TNFRSF8: variants seen among roughly 807,000 people sequenced by gnomAD.
The protein encoded by TNFRSF8 is TNF receptor superfamily member 8.
A neutral mutation model predicts 70.8 loss-of-function variants in TNFRSF8; 26 were observed. The observed-to-expected ratio is 0.37, with a 90% confidence interval of 0.27 to 0.51. The LOEUF is 0.51. Ranked by LOEUF, TNFRSF8 falls within the 20% of genes least tolerant of loss-of-function variation. The pLI, the probability that TNFRSF8 is intolerant of heterozygous loss-of-function variation, is 0.94. For synonymous variants in TNFRSF8, 356 were observed against 339.2 expected (o/e 1.05, Z -0.54); for missense variants, 720 against 807.9 (o/e 0.89, Z 1.32).
Position 12,128,379 on chromosome 1 carries a change from C to T in TNFRSF8, c.1309+2143C>T, listed in dbSNP as rs368332069. Among the ~76,000 whole-genome samples, 31 of 152,316 alleles carry T rather than the reference C, an allele frequency of 2.0e-4. 1 individual carries two copies. The South Asian group carries it at 5.4e-3, about 26-fold the overall frequency. On this transcript the variant is annotated intron_variant, in intron 12 of 14. Transcript: ENST00000263932. ...GTGAGCACATCAGGGATCTGTGGTCCGTGCAGGTGCGATGAGAGGCCCACC... is the reference window on the plus strand; with the variant it reads ...GTGAGCACATCAGGGATCTGTGGTCTGTGCAGGTGCGATGAGAGGCCCACC...
intron 12 of TNFRSF8, among the ~76,000 whole-genome samples, chr1:12,132,689 T>G (rs1330712943): frequency 6.6e-6 from 1 of 151,788 alleles, no homozygotes; most frequent in Non-Finnish European, 1.5e-5. Flanking sequence ...AATACAAAAA[T>G]TAGCCGGGTG....
At chr1:12,099,307 G>A (rs1641380432) in intron 3 of TNFRSF8, among the ~76,000 whole-genome samples, 1 of 151,942 alleles carries the variant, frequency 6.6e-6, no homozygotes, top group Non-Finnish European at 1.5e-5. Flanking sequence ...ACCACGCCTG[G>A]CTAATTTTTG....
At chr1:12,135,179 G>C (rs539693481) in intron 12 of TNFRSF8, among the ~76,000 whole-genome samples, 1 of 152,062 alleles carries the variant, frequency 6.6e-6, no homozygotes, top group East Asian at 1.9e-4. Flanking sequence ...AGCTGGGGTT[G>C]GTGGCACGAG....
Position 12,142,269 on chromosome 1 carries a change from C to T in TNFRSF8, c.1544-18C>T, listed in dbSNP as rs1642266273. 2.6e-6 allele frequency: 4 copies of T among 1,568,228 alleles called. No homozygotes were observed. The Admixed American group carries it at 5.5e-5, about 21-fold the overall frequency. On this transcript the variant is annotated intron_variant, in intron 14 of 14. Coordinates refer to ENST00000263932, the MANE Select transcript of TNFRSF8 (RefSeq NM_001243.5). The surrounding 1 kb of genome is among the most constrained non-coding windows in gnomAD (Gnocchi z 5.0). ...GGTGCTCTGGCCTCCCTCGCTCACCCATCCTTTTGCCTTGCAGAGAAAATC... is the reference window on the plus strand; with the variant it reads ...GGTGCTCTGGCCTCCCTCGCTCACCTATCCTTTTGCCTTGCAGAGAAAATC...
rs1459435215 is a variant in TNFRSF8, at chr1:12,113,738, A to G, written c.793+1724A>G. Among the ~76,000 whole-genome samples the G allele has an allele frequency of 6.6e-6, 1 of 151,996 alleles. No individual in the cohort carries two copies. Among genetic ancestry groups the G allele is most frequent in the Non-Finnish European group, 1.5e-5 (1 of 67,970 alleles). Reference sequence around the variant, plus strand: ...GACAGAGATAGAGTGTGACAGAGAGAAAGACAGAGAAAGAGAGAGAGAGAG... The same window carrying G: ...GACAGAGATAGAGTGTGACAGAGAGGAAGACAGAGAAAGAGAGAGAGAGAG... On this transcript the variant is annotated intron_variant, in intron 7 of 14. Coordinates refer to ENST00000263932, the MANE Select transcript of TNFRSF8 (RefSeq NM_001243.5). This position sits in a 1 kb window ranked among gnomAD's most constrained non-coding sequence, Gnocchi z 4.9.
At chr1:12,074,188 A>G (rs1640896605) in intron 1 of TNFRSF8, among the ~76,000 whole-genome samples, 1 of 151,766 alleles carries the variant, frequency 6.6e-6, no homozygotes. Context: ...GCTCTCCTCC[A>G]TCCTGTCCAC....
At chr1:12,105,928 A>G (rs1641514598) in intron 4 of TNFRSF8, among the ~76,000 whole-genome samples, 2 of 147,728 alleles carry the variant, frequency 1.4e-5, no homozygotes, top group Non-Finnish European at 3.0e-5. Context: ...GACAAGAGCA[A>G]GACTCCGTCT....
At chr1:12,077,694 G>T (rs566331375) in intron 1 of TNFRSF8, among the ~76,000 whole-genome samples, 2 of 152,204 alleles carry the variant, frequency 1.3e-5, no homozygotes, top group Middle Eastern at 3.4e-3. Context: ...GATGAATGGG[G>T]GTACACTGGA....
At chr1:12,134,020 A>T (rs1346998337) in intron 12 of TNFRSF8, among the ~76,000 whole-genome samples, 5 of 152,182 alleles carry the variant, frequency 3.3e-5, no homozygotes, top group Admixed American at 3.3e-4. Context: ...AGCCTGGGTG[A>T]CAGAGTGAGA....
At chr1:12,066,652 C>T (rs1162215261) in intron 1 of TNFRSF8, among the ~76,000 whole-genome samples, 1 of 150,836 alleles carries the variant, frequency 6.6e-6, no homozygotes, top group Admixed American at 6.6e-5. Context: ...CGCCCCCGGC[C>T]TAAATTTTTT....
chr1:12,138,473 A>G lies in TNFRSF8; in HGVS notation c.1543+37A>G. On this transcript the variant is annotated intron_variant, in intron 14 of 14. Coordinates refer to ENST00000263932, the MANE Select transcript of TNFRSF8 (RefSeq NM_001243.5). This position sits in a 1 kb window ranked among gnomAD's most constrained non-coding sequence, Gnocchi z 5.7. Reference sequence around the variant, plus strand: ...TGTTTTGGGAGGTCCCCTGCAGCCCAGGGGCAGATGGGAGATGAATACGGG... The same window carrying G: ...TGTTTTGGGAGGTCCCCTGCAGCCCGGGGGCAGATGGGAGATGAATACGGG... 6.3e-7 allele frequency: 1 copy of G among 1,579,218 alleles called. No homozygotes were observed.
chr1:12,114,866 G>T (rs971844049), intron 7 of TNFRSF8, among the ~76,000 whole-genome samples: 5 of 151,706 alleles, frequency 3.3e-5, no homozygotes, highest in African/African-American at 1.2e-4. Context: ...GTGCCACCAG[G>T]CATGGCTAAT....
At chr1:12,098,422 T>C (rs1256249402) in intron 3 of TNFRSF8, among the ~76,000 whole-genome samples, 2 of 152,188 alleles carry the variant, frequency 1.3e-5, no homozygotes, top group South Asian at 4.1e-4. Context: ...CCTCCATCTA[T>C]AGATAACTAC....
Position 12,123,767 on chromosome 1 carries a change from C to A in TNFRSF8, c.1093C>A (p.Pro365Thr). Residue 365 changes from proline (P) to threonine (T), a missense_variant, in exon 10 of 15, where the codon CCC becomes ACC. Transcript: ENST00000263932. ...LVDSQASKTL[P>T]IPTSAPVALS... ...GGACTCCCAGGCCAGTAAGACGCTG[C>A]CCATCCCAACCAGCGCTCCCGTCGC... 1 of 1,580,688 alleles carries A rather than the reference C, an allele frequency of 6.3e-7. No homozygotes were observed.
At chr1:12,099,112 T>A (rs1040094136) in intron 3 of TNFRSF8, among the ~76,000 whole-genome samples, 6 of 152,162 alleles carry the variant, frequency 3.9e-5, no homozygotes, top group Admixed American at 2.0e-4. Context: ...CTCTGTTATT[T>A]CATGTTTGAG....
chr1:12,092,350 A>G (rs138699067), intron 2 of TNFRSF8, among the ~76,000 whole-genome samples: 2,479 of 151,608 alleles, frequency 0.016, 210 homozygotes, highest in Admixed American at 0.14. Flanking sequence ...CTAATTTTCT[A>G]TTGTTGTAGA....
At chr1:12,105,873 T>C (rs927072686) in intron 4 of TNFRSF8, among the ~76,000 whole-genome samples, 2 of 143,386 alleles carry the variant, frequency 1.4e-5, no homozygotes, top group African/African-American at 2.6e-5. Flanking sequence ...TGGGAGGCGG[T>C]GGTTGCAGTG....
rs1032554389 is a variant in TNFRSF8 at position 12,113,534 on chromosome 1, G to A, written c.793+1520G>A. Among the ~76,000 whole-genome samples, 1 of 150,668 alleles carries A rather than the reference G, an allele frequency of 6.6e-6. No individual in the cohort carries two copies. Among genetic ancestry groups the A allele is most frequent in the African/African-American group, 2.4e-5 (1 of 40,862 alleles). On this transcript the variant is annotated intron_variant, in intron 7 of 14. Coordinates refer to ENST00000263932, the MANE Select transcript of TNFRSF8 (RefSeq NM_001243.5). The surrounding 1 kb of genome is among the most constrained non-coding windows in gnomAD (Gnocchi z 4.9). Reference sequence around the variant, plus strand: ...GAGAGTGAGAGAGAGACAGAAAGAGGGAGAGAAAGAGTGAGAGAGAGAAAG... The same window carrying A: ...GAGAGTGAGAGAGAGACAGAAAGAGAGAGAGAAAGAGTGAGAGAGAGAAAG...
chr1:12,134,557 T>C (rs540792439), intron 12 of TNFRSF8, among the ~76,000 whole-genome samples: 2 of 152,120 alleles, frequency 1.3e-5, no homozygotes, highest in Non-Finnish European at 2.9e-5. Context: ...GGTTGTGCGT[T>C]GAGAATCATT....
Sources: gnomAD v4.1 joint callset for allele counts (sites outside exome capture counted in the v4.1 genomes callset) on GRCh38, gnomAD v4.1.1 for gene constraint, Gnocchi (gnomAD v3.1) non-coding constraint, MANE v1.5 for transcripts, NCBI Gene and HGNC (gene_info 2026-07-23, HGNC 2026-07-21) for gene names.